SLC9A1: variants seen among roughly 807,000 people sequenced by gnomAD.
SLC9A1 encodes the protein solute carrier family 9 member A1.
A neutral mutation model predicts 67.9 loss-of-function variants in SLC9A1; 22 were observed. The ratio of observed to expected loss-of-function variants is 0.32; its 90% confidence interval spans 0.23 to 0.46. The LOEUF is 0.46. SLC9A1 is among the 20% of genes least tolerant of loss of function. The pLI is 1.00. For synonymous variants in SLC9A1, 421 were observed against 471.8 expected, an observed-to-expected ratio of 0.89 and a Z score of 1.40; for missense variants, 686 against 1,094.8, an observed-to-expected ratio of 0.63 and a Z score of 5.27.
chr1:27,106,432 A>G lies in SLC9A1; in HGVS notation c.1283-345T>C, dbSNP rs1039408616. Among the ~76,000 whole-genome samples the G allele has an allele frequency of 6.6e-6, 1 of 152,072 alleles. No individual in the cohort carries two copies. The highest frequency in any genetic ancestry group is 1.5e-5 in the Non-Finnish European group (1 of 67,976). ...TGGGTGTGTGGGGGGTCATGATCCTATTCTCTCTACTTTTCTAAGTACTTG... is the reference window on the plus strand; with the variant it reads ...TGGGTGTGTGGGGGGTCATGATCCTGTTCTCTCTACTTTTCTAAGTACTTG... On this transcript the variant is annotated intron_variant, in intron 4 of 11. Transcript: ENST00000263980. This position sits in a 1 kb window ranked among gnomAD's most constrained non-coding sequence, Gnocchi z 4.3.
chr1:27,154,538 G>A lies in SLC9A1; in HGVS notation c.-204C>T, dbSNP rs2083553515. The stretch of plus-strand genomic sequence containing the variant: ...AATCTGGAACTCCAAAGTGGGGAAA[G>A]GGGGCAAGGACCCAGGAACGACCAC... On this transcript the variant is annotated 5_prime_UTR_variant, in exon 1 of 12. Coordinates refer to ENST00000263980, the MANE Select transcript of SLC9A1 (RefSeq NM_003047.5). The A allele has an allele frequency of 5.6e-6, 3 of 531,100 alleles. No homozygotes were observed. The highest frequency in any genetic ancestry group is 1.9e-5 in the African/African-American group (1 of 52,368). 32.9% of individuals were successfully genotyped at this position (531,100 alleles called of 1,614,324 possible).
chr1:27,151,840 G>A (rs2083530722), intron 1 of SLC9A1, among the ~76,000 whole-genome samples: 1 of 152,172 alleles, frequency 6.6e-6, no homozygotes, highest in African/African-American at 2.4e-5. Flanking sequence ...ATGGCCAGAT[G>A]CTAGAACTCC....
At chr1:27,105,412 G>A in intron 5 of SLC9A1, 1 of 348,982 alleles carries the variant, frequency 2.9e-6, no homozygotes, top group Non-Finnish European at 5.4e-6. Context: ...TGATTCTCCT[G>A]CCTCAGCCTC....
At chr1:27,124,241 T>C (rs2083325633) in intron 1 of SLC9A1, among the ~76,000 whole-genome samples, 2 of 152,178 alleles carry the variant, frequency 1.3e-5, no homozygotes, top group African/African-American at 2.4e-5. Flanking sequence ...CTAGAAACTT[T>C]AGAGCCATGG....
chr1:27,144,842 CTA>C lies in SLC9A1; in HGVS notation c.352+9139_352+9140del, dbSNP rs56878944. Among the ~76,000 whole-genome samples the C allele has an allele frequency of 4.2e-3, 643 of 152,182 alleles. 4 individuals are homozygous for C. Among genetic ancestry groups the C allele is most frequent in the African/African-American group, 0.015 (608 of 41,528 alleles). ...TGGCCAGCATAGCAAAACCCCGTCT[CTA>C]CTAAAAACACAAAAAATTAGCTGGG... is the stretch of plus-strand genomic sequence containing the variant. On this transcript the variant is annotated intron_variant, in intron 1 of 11. Transcript: ENST00000263980.
Position 27,116,453 on chromosome 1 carries a change from A to C in SLC9A1, c.353-2167T>G, listed in dbSNP as rs1438160411. The stretch of plus-strand genomic sequence containing the variant: ...TCCTGGCACAGTGCCAAGCACCCTG[A>C]AGACACTCAAAACACATTGGGAAAA... On this transcript the variant is annotated intron_variant, in intron 1 of 11. Coordinates refer to ENST00000263980, the MANE Select transcript of SLC9A1 (RefSeq NM_003047.5). Among the ~76,000 whole-genome samples, 3 of 152,318 alleles carry C rather than the reference A, an allele frequency of 2.0e-5. No homozygotes were observed. The East Asian group carries it at 5.8e-4, about 29-fold the overall frequency.
chr1:27,153,857 T>C, intron 1 of SLC9A1, 126 bp downstream of exon 1: 1 of 645,634 alleles, frequency 1.5e-6, no homozygotes, highest in Non-Finnish European at 2.7e-6. Context: ...GGTGGCAGGA[T>C]GGAGACTGCC....
At chr1:27,105,606 C>T in intron 5 of SLC9A1, 1 of 660,586 alleles carries the variant, frequency 1.5e-6, no homozygotes, top group Non-Finnish European at 2.8e-6. Context: ...CCAGTACCCA[C>T]TTCTCTTAAT....
In SLC9A1 at chr1:27,101,392, C is replaced by T; in HGVS notation, c.2038-117G>A. On this transcript the variant is annotated intron_variant, in intron 10 of 11. Transcript: ENST00000263980. This position sits in a 1 kb window ranked among gnomAD's most constrained non-coding sequence, Gnocchi z 4.9. ...TATATGCAGGGCGCTTGCTCCCCCTCCCTTGTGCCTGTGTGGGCACCCGTA... is the reference window on the plus strand; with the variant it reads ...TATATGCAGGGCGCTTGCTCCCCCTTCCTTGTGCCTGTGTGGGCACCCGTA... The T allele has an allele frequency of 1.3e-6, 1 of 783,318 alleles. No individual in the cohort carries two copies. Among genetic ancestry groups the T allele is most frequent in the East Asian group, 2.7e-5 (1 of 37,576 alleles). The allele number at this position is 783,318 out of a possible 1,614,324, so 48.5% of individuals were successfully genotyped here. A position where few individuals can be genotyped will look rare whatever the true frequency, so the allele number is the denominator to read the frequency against.
intron 1 of SLC9A1, among the ~76,000 whole-genome samples, chr1:27,141,638 G>A (rs962539453): frequency 2.6e-5 from 4 of 152,302 alleles, no homozygotes; most frequent in South Asian, 2.1e-4. Flanking sequence ...CAAACAAGTC[G>A]TTGAGCTTGG....
chr1:27,153,875 T>TG, intron 1 of SLC9A1, 108 bp downstream of exon 1: 2 of 703,288 alleles, frequency 2.8e-6, no homozygotes, highest in Non-Finnish European at 4.8e-6. Flanking sequence ...GCCTACTTTA[T>TG]GGGGGTAGTT....
rs1372334566 is a variant in SLC9A1 at position 27,102,026 on chromosome 1, G to C, written c.1925C>G (p.Thr642Ser). The C allele has an allele frequency of 6.2e-7, 1 of 1,612,410 alleles. No individual in the cohort carries two copies. The change falls in exon 9 of 12, where the codon ACC becomes AGC. Residue 642 changes from threonine (T) to serine (S), a missense_variant. Physicochemically the swap from Thr to Ser is moderately conservative, Grantham distance 58. Coordinates refer to ENST00000263980, the MANE Select transcript of SLC9A1 (RefSeq NM_003047.5). The part of the protein sequence containing the change: ...RKILRNNLQK[T>S]RQRLRSYNRH... ...GGAGCAGGCCCTCACCCGCTGCCTGGTCTTCTGCAAGTTGTTCCTCAGGAT... is the reference window on the plus strand; with the variant it reads ...GGAGCAGGCCCTCACCCGCTGCCTGCTCTTCTGCAAGTTGTTCCTCAGGAT...
chr1:27,147,032 G>A (rs1300771605), intron 1 of SLC9A1, among the ~76,000 whole-genome samples: 2 of 152,000 alleles, frequency 1.3e-5, no homozygotes, highest in Non-Finnish European at 2.9e-5. Flanking sequence ...AGGACTTTGG[G>A]AGGCTGAGGC....
chr1:27,101,308 C>A lies in SLC9A1; in HGVS notation c.2038-33G>T. The A allele has an allele frequency of 6.3e-7, 1 of 1,577,710 alleles. No individual in the cohort carries two copies. The highest frequency in any genetic ancestry group is 8.7e-7 in the Non-Finnish European group (1 of 1,150,540). Reference sequence around the variant, plus strand: ...AGAGGACAGACGGGGTGAGCACAGGCAGCTGGGCAGAGGGAGCCCCTCAGG... The same window carrying A: ...AGAGGACAGACGGGGTGAGCACAGGAAGCTGGGCAGAGGGAGCCCCTCAGG... On this transcript the variant is annotated intron_variant, in intron 10 of 11. Transcript: ENST00000263980. This position sits in a 1 kb window ranked among gnomAD's most constrained non-coding sequence, Gnocchi z 4.9.
intron 1 of SLC9A1, among the ~76,000 whole-genome samples, chr1:27,124,111 G>T (rs2083324940): frequency 1.3e-5 from 2 of 152,116 alleles, no homozygotes; most frequent in African/African-American, 4.8e-5. Flanking sequence ...CTTGCCTCTT[G>T]CCAGACTGCT....
At chr1:27,129,001 C>T (rs548654691) in intron 1 of SLC9A1, among the ~76,000 whole-genome samples, 110 of 152,220 alleles carry the variant, frequency 7.2e-4, no homozygotes, top group African/African-American at 2.4e-3. Flanking sequence ...CACGCACGCA[C>T]GCATGCCAGA....
Position 27,105,992 on chromosome 1 carries a change from C to T in SLC9A1, c.1378G>A (p.Ala460Thr), listed in dbSNP as rs773660421. The stretch of plus-strand genomic sequence containing the variant: ...AGGTAGCCCAGAGAGAAGGCGATGG[C>T]CCCTCGCAGGCCCCCATAGGCGATG... ...FIIAYGGLRG[A>T]IAFSLGYLLD... The change falls in exon 5 of 12, where the codon GCC (alanine) becomes ACC (threonine). Residue 460 changes from alanine (A) to threonine (T), a missense_variant. Ala to Thr is a moderately conservative substitution (Grantham distance 58). This residue lies in a region of SLC9A1 where 168 missense variants were observed against 375.4 expected (regional missense o/e 0.45). Transcript: ENST00000263980. 6.2e-7 allele frequency: 1 copy of T among 1,613,482 alleles called. No individual in the cohort carries two copies. Among genetic ancestry groups the T allele is most frequent in the African/African-American group, 1.3e-5 (1 of 75,014 alleles).
chr1:27,142,745 C>T (rs943549117), intron 1 of SLC9A1, among the ~76,000 whole-genome samples: 23 of 152,188 alleles, frequency 1.5e-4, no homozygotes, highest in Admixed American at 1.5e-3. Flanking sequence ...ACAGTGTAGG[C>T]GGAGCATGTT....
At position 27,137,606 on chromosome 1, in the gene SLC9A1, C is replaced by G. The variant is rs1243125261; in HGVS notation, c.352+16377G>C. ...CTTCTGCAGTCTCTAGGATCCCTCC[C>G]AGTGCTAAAGTCTGGTTCTGATTCT... On this transcript the variant is annotated intron_variant, in intron 1 of 11. Transcript: ENST00000263980. This position sits in a 1 kb window ranked among gnomAD's most constrained non-coding sequence, Gnocchi z 4.6. 6.6e-6 allele frequency among the ~76,000 whole-genome samples: 1 copy of G among 152,206 alleles called. No homozygotes were observed. The highest frequency in any genetic ancestry group is 2.4e-5 in the African/African-American group (1 of 41,448).
Sources: allele counts gnomAD v4.1 joint callset (sites outside exome capture counted in the v4.1 genomes callset), GRCh38; gene constraint gnomAD v4.1.1; regional missense constraint gnomAD v4.1.1; non-coding constraint Gnocchi (gnomAD v3.1); transcripts MANE v1.5; gene names NCBI Gene and HGNC (gene_info 2026-07-23, HGNC 2026-07-21).